ARAP2: variants seen among roughly 807,000 people sequenced by gnomAD.
ARAP2 encodes ArfGAP with RhoGAP domain, ankyrin repeat and PH domain 2, also known as arf-GAP with Rho-GAP domain, ANK repeat and PH domain-containing protein 2.
A neutral mutation model predicts 194.5 loss-of-function variants in ARAP2; 148 were observed. The observed-to-expected ratio is 0.76, with a 90% CI of 0.67 to 0.87. The LOEUF is 0.87. ARAP2 is among the 40% of genes least tolerant of loss of function. The pLI is 0.00. For synonymous variants in ARAP2, 695 were observed against 683.5 expected (o/e 1.02, Z -0.26); for missense variants, 2,128 against 1,989.7 (o/e 1.07, Z -1.32).
intron 20 of ARAP2, among the ~76,000 whole-genome samples, chr4:36,132,695 G>A (rs1017688763): frequency 6.6e-6 from 1 of 151,702 alleles, no homozygotes; most frequent in Non-Finnish European, 1.5e-5. Flanking sequence ...ATCTGCAAAC[G>A]ATTCATTGAA....
chr4:36,055,645 C>G (rs984717258), intron 2 of ARAP2, among the ~76,000 whole-genome samples: 4 of 152,088 alleles, frequency 2.6e-5, no homozygotes, highest in African/African-American at 9.7e-5. Context: ...CTCACCACAA[C>G]CTCTGCCTCC....
rs1465728044 is a variant in ARAP2, at chr4:36,159,376, C to A, written c.2572G>T (p.Gly858Trp). ...STPYLLAKKA[G>W]QSLQMEFLYH... ...AGAAATTCCATTTGCAGACTTTGCC[C>A]AGCTTTCTTGGCTAGCAGATAGGGG... The change falls in exon 14 of 33, where the codon GGG (glycine) becomes TGG (tryptophan). Residue 858 changes from glycine to tryptophan, a missense_variant. Transcript: ENST00000303965. 1.2e-6 allele frequency: 2 copies of A among 1,608,810 alleles called. No individual in the cohort carries two copies. Among genetic ancestry groups the A allele is most frequent in the Non-Finnish European group, 1.7e-6 (2 of 1,176,848 alleles).
chr4:36,182,170 A>G (rs1321270520), intron 8 of ARAP2, among the ~76,000 whole-genome samples: 1 of 152,104 alleles, frequency 6.6e-6, no homozygotes, highest in African/African-American at 2.4e-5. Flanking sequence ...GGGTTTTTGG[A>G]CCTCACAAGT....
At chr4:36,197,069 C>T (rs964033215) in intron 6 of ARAP2, among the ~76,000 whole-genome samples, 4 of 151,256 alleles carry the variant, frequency 2.6e-5, no homozygotes, top group African/African-American at 9.7e-5. Context: ...CTTCGTATAC[C>T]ACCCATACTA....
chr4:36,065,332 G>T, downstream of ARAP2: 1 of 506,096 alleles, frequency 2.0e-6, no homozygotes, highest in Non-Finnish European at 4.0e-6. Context: ...CCAAAGAGCT[G>T]GCTGTAGTGG....
intron 1 of ARAP2, among the ~76,000 whole-genome samples, chr4:36,230,524 G>A (rs1036620607): frequency 1.3e-5 from 2 of 152,120 alleles, no homozygotes; most frequent in Non-Finnish European, 2.9e-5. Flanking sequence ...AAGGTCACAT[G>A]TCCTCCAATG....
At chr4:36,062,537 G>T (rs751475492), downstream of ARAP2, among the ~76,000 whole-genome samples, 3 of 152,070 alleles carry the variant, frequency 2.0e-5, no homozygotes, top group Non-Finnish European at 4.4e-5. Flanking sequence ...ATGAGAGCTA[G>T]GAGGACTAAT....
At position 36,212,244 on chromosome 4, in the gene ARAP2, G is replaced by A. The variant is rs926041580; in HGVS notation, c.1133+152C>T. ...GAGCATAATTCAATTAATAAAATGG[G>A]TGCTGCTATGCTTACATTTAGAGAG... is the stretch of plus-strand genomic sequence containing the variant. On this transcript the variant is annotated intron_variant, in intron 5 of 32. Transcript: ENST00000303965. 6.6e-5 allele frequency: 34 copies of A among 511,884 alleles called. 1 individual carries two copies. Among genetic ancestry groups the A allele is most frequent in the Middle Eastern group, 5.3e-4 (1 of 1,890 alleles). The allele number at this position is 511,884 out of a possible 1,614,324, so 31.7% of individuals were successfully genotyped here. A position where few individuals can be genotyped will look rare whatever the true frequency, so the allele number is the denominator to read the frequency against.
intron 11 of ARAP2, among the ~76,000 whole-genome samples, chr4:36,163,868 C>G (rs1314512658): frequency 6.6e-6 from 1 of 152,160 alleles, no homozygotes; most frequent in East Asian, 1.9e-4. Flanking sequence ...GAAGGTGATT[C>G]ACTGGCATTT....
intron 1 of ARAP2, among the ~76,000 whole-genome samples, chr4:36,230,094 C>T (rs1002600809): frequency 6.6e-6 from 1 of 152,056 alleles, no homozygotes; most frequent in Non-Finnish European, 1.5e-5. Flanking sequence ...TAAGCCATAA[C>T]ATTTGGGGTT....
At chr4:36,213,683 T>C (rs1025711752) in intron 3 of ARAP2, among the ~76,000 whole-genome samples, 1 of 152,052 alleles carries the variant, frequency 6.6e-6, no homozygotes, top group Non-Finnish European at 1.5e-5. Flanking sequence ...TAAGGAAATA[T>C]TCTAAATGGC....
intron 20 of ARAP2, among the ~76,000 whole-genome samples, chr4:36,130,439 C>T (rs1432168375): frequency 1.3e-5 from 2 of 151,834 alleles, no homozygotes; most frequent in South Asian, 2.1e-4. Flanking sequence ...CTTTGTGACT[C>T]GATACCTTGG....
At chr4:36,028,034 T>C (rs995880531) in intron 5 of ARAP2, among the ~76,000 whole-genome samples, 7 of 152,204 alleles carry the variant, frequency 4.6e-5, no homozygotes, top group African/African-American at 1.7e-4. Flanking sequence ...CGCATACTCA[T>C]ATTGAACTAT....
In ARAP2 at chr4:36,165,140, T is replaced by C. The variant is rs940598175; in HGVS notation, c.1974-27A>G. 5 of 1,611,848 alleles carry C rather than the reference T, an allele frequency of 3.1e-6. No homozygotes were observed. The African/African-American group carries it at 4.0e-5, about 13-fold the overall frequency. ...TGAAACAATTAACGTTTCTGTGTTA[T>C]CGATCTCCCTTGTAAAGGCCAATTA... On this transcript the variant is annotated intron_variant, in intron 10 of 32. Transcript: ENST00000303965.
rs1733097438 is a variant in ARAP2, at chr4:36,158,434, G to A, written c.2752+296C>T. ...AGCCAGTTGGGGTGTCCATCCCTAA[G>A]GAAAGGGGCTGAGTTATAAAGGAAT... On this transcript the variant is annotated intron_variant, in intron 15 of 32. Transcript: ENST00000303965. Among the ~76,000 whole-genome samples, 3 of 152,224 alleles carry A rather than the reference G, an allele frequency of 2.0e-5. No individual in the cohort carries two copies. The South Asian group carries it at 6.2e-4, about 32-fold the overall frequency.
At chr4:36,149,977 C>A (rs1224238368) in intron 16 of ARAP2, among the ~76,000 whole-genome samples, 1 of 152,022 alleles carries the variant, frequency 6.6e-6, no homozygotes, top group African/African-American at 2.4e-5. Flanking sequence ...TTAATTACAT[C>A]AAAAAACATG....
At chr4:36,044,823 A>G (rs1721532600) in intron 5 of ARAP2, among the ~76,000 whole-genome samples, 1 of 152,148 alleles carries the variant, frequency 6.6e-6, no homozygotes, top group Non-Finnish European at 1.5e-5. Flanking sequence ...AATTCAAAAT[A>G]TTTAACAAAC....
chr4:36,224,489 T>C (rs1749857543), intron 2 of ARAP2, among the ~76,000 whole-genome samples: 1 of 152,106 alleles, frequency 6.6e-6, no homozygotes, highest in Non-Finnish European at 1.5e-5. Context: ...AAAACATCCT[T>C]AGGGTAAGAA....
intron 13 of ARAP2, chr4:36,160,060 T>C (rs934968969): frequency 1.0e-6 from 1 of 974,478 alleles, no homozygotes; most frequent in East Asian, 1.1e-4. Flanking sequence ...TTATGTTATA[T>C]ATCATCTTTG....
Sources: gnomAD v4.1 joint callset for allele counts (sites outside exome capture counted in the v4.1 genomes callset) on GRCh38, gnomAD v4.1.1 for gene constraint, MANE v1.5 for transcripts, NCBI Gene and HGNC (gene_info 2026-07-23, HGNC 2026-07-21) for gene names.